The following CNTRL variants were observed in gnomAD, a reference collection of about 807,000 sequenced individuals.
CNTRL encodes 110 kDa centrosomal protein.
In CNTRL, 233 loss-of-function variants were observed where a neutral mutation model predicts 303.7. That is an observed-to-expected ratio of 0.77 (90% CI 0.69 to 0.86). CNTRL has a LOEUF of 0.86. CNTRL is among the 40% of genes least tolerant of loss of function. CNTRL has a pLI of 0.00. For missense variants in CNTRL, 2,524 were observed against 2,650.6 expected, an observed-to-expected ratio of 0.95 and a Z score of 1.05; for synonymous variants, 900 against 922.2, an observed-to-expected ratio of 0.98 and a Z score of 0.44.
rs1050581326 is a variant in CNTRL at position 121,177,373 on chromosome 9, T to C, written c.*187T>C. On this transcript the variant is annotated 3_prime_UTR_variant, in exon 44 of 44. Transcript: ENST00000373855. The stretch of plus-strand genomic sequence containing the variant: ...TTATAAATCACTTGTACATAGTACA[T>C]ATGGGAATAGTTGCATATGGGAATT... 34 of 486,782 alleles carry C rather than the reference T, an allele frequency of 7.0e-5. No individual in the cohort carries two copies. Among genetic ancestry groups the C allele is most frequent in the Admixed American group, 3.4e-4 (8 of 23,762 alleles). 30.2% of individuals were successfully genotyped at this position (486,782 alleles called of 1,614,324 possible).
intron 2 of CNTRL, among the ~76,000 whole-genome samples, chr9:121,082,812 A>T (rs1023933184): frequency 4.6e-5 from 7 of 152,120 alleles, no homozygotes; most frequent in Admixed American, 2.6e-4. Flanking sequence ...TCTACTAAAA[A>T]TACCAAAATT....
intron 14 of CNTRL, among the ~76,000 whole-genome samples, chr9:121,133,288 G>T (rs1056506944): frequency 6.6e-6 from 1 of 152,246 alleles, no homozygotes; most frequent in African/African-American, 2.4e-5. Context: ...CTGAGCTGCG[G>T]TGGGCTCCGC....
rs764320214 is a variant in CNTRL at position 121,118,496 on chromosome 9, C to T, written c.1606C>T (p.Leu536=). The T allele has an allele frequency of 1.1e-5, 17 of 1,607,868 alleles. No individual in the cohort carries two copies. The highest frequency in any genetic ancestry group is 1.7e-5 in the Admixed American group (1 of 59,412). ...IAGKQKEIKD[L]QIAIDSLDSK... ...CGGAAAGCAGAAGGAGATTAAGGACCTGCAAATAGCCATAGATAGCCTGGA... is the reference window on the plus strand; with the variant it reads ...CGGAAAGCAGAAGGAGATTAAGGACTTGCAAATAGCCATAGATAGCCTGGA... Residue 536 remains leucine, a synonymous_variant, in exon 12 of 44, where the codon CTG becomes TTG. Coordinates refer to ENST00000373855, the MANE Select transcript of CNTRL (RefSeq NM_007018.6).
intron 23 of CNTRL, among the ~76,000 whole-genome samples, chr9:121,148,274 CA>C (rs1197738644): frequency 1.3e-5 from 2 of 151,988 alleles, no homozygotes; most frequent in Non-Finnish European, 2.9e-5. Flanking sequence ...AAAATTGTAC[CA>C]AAAGAGAGGA....
chr9:121,142,349 T>C, intron 19 of CNTRL, 79 bp downstream of exon 19: 1 of 1,308,376 alleles, frequency 7.6e-7, no homozygotes, highest in Non-Finnish European at 1.0e-6. Flanking sequence ...TCAGCTGAGA[T>C]GGGTGTGATC....
At chr9:121,175,750 C>T (rs1409074339) in intron 43 of CNTRL, among the ~76,000 whole-genome samples, 2 of 152,162 alleles carry the variant, frequency 1.3e-5, no homozygotes, top group Admixed American at 6.5e-5. Context: ...AAACAGACTA[C>T]GACTGCAGAT....
intron 14 of CNTRL, among the ~76,000 whole-genome samples, chr9:121,133,854 A>G (rs1209219213): frequency 1.3e-5 from 2 of 152,224 alleles, no homozygotes; most frequent in Non-Finnish European, 2.9e-5. Context: ...TCAGTTGTAG[A>G]CATCATGCTC....
intron 39 of CNTRL, 146 bp from the exon 40 acceptor site, chr9:121,171,262 A>G (rs1423846437): frequency 1.2e-6 from 1 of 820,182 alleles, no homozygotes; most frequent in African/African-American, 1.7e-5. Context: ...CTGCCCATGA[A>G]AGGCCGATAG....
At chr9:121,104,694 ATTTTTTTTTT>A (rs10693661) in intron 7 of CNTRL, among the ~76,000 whole-genome samples, 3 of 96,450 alleles carry the variant, frequency 3.1e-5, no homozygotes, top group African/African-American at 1.2e-4. Flanking sequence ...GCCACTGGCA[ATTTTTTTTTT>A]TTTTTTTTTT....
At chr9:121,102,084 A>C (rs889554109) in intron 7 of CNTRL, among the ~76,000 whole-genome samples, 2 of 152,216 alleles carry the variant, frequency 1.3e-5, no homozygotes, top group African/African-American at 4.8e-5. Context: ...AAAGCCTGGC[A>C]GAGACACAAC....
chr9:121,162,111 G>C lies in CNTRL; in HGVS notation c.5263G>C (p.Glu1755Gln). Residue 1755 changes from glutamate (E) to glutamine (Q), a missense_variant, in exon 34 of 44, where the codon GAG becomes CAG. By Grantham distance (29) the Glu-to-Gln change is conservative. Transcript: ENST00000373855. ...QISQQQKGEIEWQKQLLERDK... is the reference protein window; with the variant it reads ...QISQQQKGEIQWQKQLLERDK... ...ATCCCAGCAGCAGAAAGGGGAAATA[G>C]AGTGGCAGAAGCAGCTCCTTGAGAG... 2 of 1,614,204 alleles carry C rather than the reference G, an allele frequency of 1.2e-6. No individual in the cohort carries two copies. Among genetic ancestry groups the C allele is most frequent in the Non-Finnish European group, 1.7e-6 (2 of 1,180,030 alleles).
At chr9:121,124,166 T>C (rs913763099) in intron 13 of CNTRL, 82 bp downstream of exon 13, 1 of 1,242,674 alleles carries the variant, frequency 8.0e-7, no homozygotes, top group East Asian at 2.5e-5. Flanking sequence ...TTAATCCAGA[T>C]AGTAGCTAAA....
intron 36 of CNTRL, among the ~76,000 whole-genome samples, chr9:121,167,208 G>T (rs2053130198): frequency 6.6e-6 from 1 of 152,060 alleles, no homozygotes; most frequent in Non-Finnish European, 1.5e-5. Flanking sequence ...CTACTCGAGA[G>T]GCTGAGACGG....
intron 25 of CNTRL, among the ~76,000 whole-genome samples, chr9:121,151,249 A>G (rs1017513687): frequency 2.6e-5 from 4 of 152,116 alleles, no homozygotes; most frequent in African/African-American, 9.7e-5. Flanking sequence ...TTTAAACAAT[A>G]TTTTAATGAC....
intron 23 of CNTRL, among the ~76,000 whole-genome samples, chr9:121,146,515 GC>G (rs1298700516): frequency 5.9e-5 from 9 of 152,176 alleles, no homozygotes; most frequent in Non-Finnish European, 1.3e-4. Context: ...GGTGATTTGA[GC>G]CCAGAGAGCC....
At chr9:121,098,839 AAC>A (rs1491030258) in intron 7 of CNTRL, among the ~76,000 whole-genome samples, 49 of 150,920 alleles carry the variant, frequency 3.2e-4, no homozygotes, top group South Asian at 1.3e-3. Context: ...CAAAAAAAAA[AAC>A]AAAAACAAAG....
chr9:121,132,705 G>A (rs1384004051), intron 14 of CNTRL, among the ~76,000 whole-genome samples: 1 of 152,224 alleles, frequency 6.6e-6, no homozygotes, highest in East Asian at 1.9e-4. Flanking sequence ...CTTTGGAGGA[G>A]AAGAGGCGCT....
At chr9:121,166,914 G>A (rs1205551499) in intron 36 of CNTRL, among the ~76,000 whole-genome samples, 1 of 152,044 alleles carries the variant, frequency 6.6e-6, no homozygotes, top group Non-Finnish European at 1.5e-5. Context: ...CCAGCTACTC[G>A]GGAGGCTGAG....
At chr9:121,145,669 T>C (rs911906772) in intron 22 of CNTRL, among the ~76,000 whole-genome samples, 18 of 152,060 alleles carry the variant, frequency 1.2e-4, no homozygotes, top group African/African-American at 4.1e-4. Flanking sequence ...CTGAGGTGGG[T>C]GGATCGCTTG....
Sources: allele counts gnomAD v4.1 joint callset (sites outside exome capture counted in the v4.1 genomes callset), GRCh38; gene constraint gnomAD v4.1.1; transcripts MANE v1.5; gene names NCBI Gene and HGNC (gene_info 2026-07-23, HGNC 2026-07-21).